CAMKMT: variants seen among roughly 807,000 people sequenced by gnomAD.
The protein encoded by CAMKMT is CaM KMT.
A neutral mutation model predicts 48.0 loss-of-function variants in CAMKMT; 53 were observed. The observed-to-expected ratio is 1.10, with a 90% confidence interval of 0.89 to 1.39. The LOEUF is 1.39. CAMKMT is among the 40% of genes most tolerant of loss of function. The pLI is 0.00. For synonymous variants in CAMKMT, 165 were observed against 152.3 expected, an observed-to-expected ratio of 1.08 and a Z score of -0.61; for missense variants, 428 against 402.7, an observed-to-expected ratio of 1.06 and a Z score of -0.54.
intron 3 of CAMKMT, among the ~76,000 whole-genome samples, chr2:44,614,095 T>C (rs1459683864): frequency 6.6e-6 from 1 of 152,212 alleles, no homozygotes; most frequent in Non-Finnish European, 1.5e-5. Context: ...CATTTCTCCT[T>C]TTCAATTAAA....
intron 3 of CAMKMT, among the ~76,000 whole-genome samples, chr2:44,569,490 T>A (rs1350756696): frequency 6.6e-6 from 1 of 152,236 alleles, no homozygotes; most frequent in Non-Finnish European, 1.5e-5. Flanking sequence ...CTGTGTACTG[T>A]TACTATTGTC....
At chr2:44,456,438 C>G in intron 3 of CAMKMT, 1 of 1,196,794 alleles carries the variant, frequency 8.4e-7, no homozygotes, top group East Asian at 2.6e-5. Context: ...CCCTCTTACC[C>G]TCTATTTCTC....
chr2:44,447,457 G>A (rs550446400), intron 3 of CAMKMT, among the ~76,000 whole-genome samples: 34 of 152,266 alleles, frequency 2.2e-4, no homozygotes, highest in Non-Finnish European at 4.3e-4. Flanking sequence ...GAATGTATCA[G>A]TCATAGTGGG....
chr2:44,548,797 A>G (rs1667543552), intron 3 of CAMKMT, among the ~76,000 whole-genome samples: 1 of 152,186 alleles, frequency 6.6e-6, no homozygotes, highest in African/African-American at 2.4e-5. Flanking sequence ...TTCTACAGCT[A>G]CAAGGAGCTG....
At chr2:44,633,301 T>C (rs1427554314) in intron 3 of CAMKMT, among the ~76,000 whole-genome samples, 2 of 152,184 alleles carry the variant, frequency 1.3e-5, no homozygotes, top group Non-Finnish European at 2.9e-5. Context: ...GCTGGCCTTA[T>C]GTATCTTTGG....
At chr2:44,625,485 C>T (rs1211235270) in intron 3 of CAMKMT, among the ~76,000 whole-genome samples, 1 of 151,946 alleles carries the variant, frequency 6.6e-6, no homozygotes, top group African/African-American at 2.4e-5. Flanking sequence ...TTTATTAATA[C>T]TGTCTTTTTA....
At chr2:44,624,094 C>T (rs749153747) in intron 3 of CAMKMT, among the ~76,000 whole-genome samples, 1 of 152,058 alleles carries the variant, frequency 6.6e-6, no homozygotes, top group Non-Finnish European at 1.5e-5. Flanking sequence ...CCTAAGTAAA[C>T]TAAAGAGCTA....
intron 3 of CAMKMT, among the ~76,000 whole-genome samples, chr2:44,478,696 T>G (rs1273984290): frequency 1.6e-5 from 2 of 128,066 alleles, no homozygotes; most frequent in African/African-American, 2.8e-5. Context: ...TGCTTTTCTT[T>G]TCTTCCTTTT....
intron 3 of CAMKMT, among the ~76,000 whole-genome samples, chr2:44,405,158 A>G (rs1033872889): frequency 1.3e-5 from 2 of 152,090 alleles, no homozygotes; most frequent in African/African-American, 4.8e-5. Flanking sequence ...GAGGTTAAGT[A>G]TCATTTTTCA....
At chr2:44,683,630 C>A (rs914412498) in intron 3 of CAMKMT, among the ~76,000 whole-genome samples, 3 of 151,946 alleles carry the variant, frequency 2.0e-5, no homozygotes, top group Non-Finnish European at 4.4e-5. Context: ...ACCATCCTGG[C>A]TAACACAGTG....
At chr2:44,372,945 A>C in intron 2 of CAMKMT, 57 bp downstream of exon 2, 1 of 1,416,046 alleles carries the variant, frequency 7.1e-7, no homozygotes, top group Non-Finnish European at 9.8e-7. Context: ...GGATAAGAAA[A>C]ACAATCTAAT....
chr2:44,708,210 G>GTTTTT (rs1558809421), intron 6 of CAMKMT, among the ~76,000 whole-genome samples: 3 of 17,682 alleles, frequency 1.7e-4, no homozygotes, highest in African/African-American at 3.0e-4. Context: ...GTTTGCTTTG[G>GTTTTT]ATTTTTTTTT....
intron 3 of CAMKMT, among the ~76,000 whole-genome samples, chr2:44,539,668 C>T (rs1666984687): frequency 6.6e-6 from 1 of 152,058 alleles, no homozygotes; most frequent in Non-Finnish European, 1.5e-5. Flanking sequence ...GTTCCTCAGC[C>T]TTTCTTTGGT....
At position 44,495,034 on chromosome 2, in the gene CAMKMT, C is replaced by T. The variant is rs555587490; in HGVS notation, c.376+104729C>T. The stretch of plus-strand genomic sequence containing the variant: ...AGATGTAGAGTGATGATGGATAGAC[C>T]CTAATTATGTCCACATCCATGTAAT... On this transcript the variant is annotated intron_variant, in intron 3 of 10. Transcript: ENST00000378494. Among the ~76,000 whole-genome samples, 6 of 152,242 alleles carry T rather than the reference C, an allele frequency of 3.9e-5. No homozygotes were observed. In the East Asian group the frequency reaches 1.2e-3, roughly 29 times the overall value.
At chr2:44,601,593 A>G (rs1037309971) in intron 3 of CAMKMT, among the ~76,000 whole-genome samples, 6 of 152,082 alleles carry the variant, frequency 3.9e-5, no homozygotes, top group Non-Finnish European at 8.8e-5. Context: ...GAGGAAAGCT[A>G]TAGCCTCTGT....
chr2:44,646,010 C>A (rs1262017236), intron 3 of CAMKMT, among the ~76,000 whole-genome samples: 5 of 152,138 alleles, frequency 3.3e-5, no homozygotes, highest in African/African-American at 1.2e-4. Flanking sequence ...CATTATAACC[C>A]TACATGTGTT....
intron 3 of CAMKMT, among the ~76,000 whole-genome samples, chr2:44,451,817 C>T (rs1245873393): frequency 6.6e-6 from 1 of 151,710 alleles, no homozygotes; most frequent in Non-Finnish European, 1.5e-5. Context: ...TTCTCTTTCA[C>T]ATTTGCTGTA....
chr2:44,714,179 A>G (rs1162492078), intron 6 of CAMKMT, among the ~76,000 whole-genome samples: 2 of 152,176 alleles, frequency 1.3e-5, no homozygotes, highest in African/African-American at 4.8e-5. Context: ...TGTGGTTGTT[A>G]GAGTTAGGCC....
At chr2:44,536,633 C>T (rs534662578) in intron 3 of CAMKMT, among the ~76,000 whole-genome samples, 177 of 151,898 alleles carry the variant, frequency 1.2e-3, no homozygotes, top group East Asian at 3.7e-3. Flanking sequence ...TGGCCTCCAA[C>T]GTTATTTTTC....
Sources: allele counts gnomAD v4.1 joint callset (sites outside exome capture counted in the v4.1 genomes callset), GRCh38; gene constraint gnomAD v4.1.1; transcripts MANE v1.5; gene names NCBI Gene and HGNC (gene_info 2026-07-23, HGNC 2026-07-21).